Variants in CDK5RAP2 observed in about 807,000 individuals in gnomAD.
CDK5RAP2 encodes CDK5 regulatory subunit-associated protein 2.
CDK5RAP2 carries 147 observed loss-of-function variants against 232.9 expected under a neutral mutation model. The ratio of observed to expected loss-of-function variants is 0.63; its 90% CI spans 0.55 to 0.72. The LOEUF (loss-of-function observed/expected upper bound fraction) is 0.72. CDK5RAP2 is among the 30% of genes least tolerant of loss of function. The pLI is 0.00. For synonymous variants in CDK5RAP2, 833 were observed against 833.7 expected, an observed-to-expected ratio of 1.00 and a Z score of 0.01; for missense variants, 2,195 against 2,231.5, an observed-to-expected ratio of 0.98 and a Z score of 0.33.
chr9:120,400,823 C>T lies in CDK5RAP2; in HGVS notation c.5370G>A (p.Leu1790=), dbSNP rs144163551. The change falls in exon 35 of 38, where the codon CTG becomes CTA. Residue 1790 remains leucine, a synonymous_variant. Transcript: ENST00000349780. ...GCTTCAGCCGCCTGTAGGCCTCTTC[C>T]AGGGTCAGCTTGGCCGTGCTCACAC... ...VSSVSTAKLT[L]EEAYRRLKLL... is the part of the protein sequence containing the mutation. The T allele has an allele frequency of 7.4e-6, 12 of 1,614,186 alleles. No individual in the cohort carries two copies. Among genetic ancestry groups the T allele is most frequent in the Middle Eastern group, 3.3e-4 (2 of 6,060 alleles).
chr9:120,458,772 G>A, intron 19 of CDK5RAP2, 150 bp from the exon 20 acceptor site: 2 of 707,232 alleles, frequency 2.8e-6, no homozygotes, highest in East Asian at 2.7e-5. Flanking sequence ...AGGGGGAGGA[G>A]AAGGAGGAAG....
chr9:120,563,550 T>C (rs1316667658), intron 3 of CDK5RAP2, among the ~76,000 whole-genome samples: 1 of 152,196 alleles, frequency 6.6e-6, no homozygotes, highest in African/African-American at 2.4e-5. Context: ...GCTAGGTGCT[T>C]TCCATACCTT....
rs1332224201 is a variant in CDK5RAP2 at position 120,491,425 on chromosome 9, TTC to T, written c.1362_1363del (p.Lys455SerfsTer12). The T allele has an allele frequency of 2.5e-6, 4 of 1,612,360 alleles. No homozygotes were observed. Among genetic ancestry groups the T allele is most frequent in the Non-Finnish European group, 3.4e-6 (4 of 1,179,114 alleles). On this transcript the variant is annotated frameshift_variant, in exon 13 of 38. Coordinates refer to ENST00000349780, the MANE Select transcript of CDK5RAP2 (RefSeq NM_018249.6). LOFTEE classifies it high-confidence loss of function. ...ACTCTTGTAACGATTTTCCATTGCT[TTC>T]TCTCTTTCATTCACTTCATTGCGTA...
At chr9:120,412,821 G>C (rs896125882) in intron 28 of CDK5RAP2, among the ~76,000 whole-genome samples, 1 of 152,156 alleles carries the variant, frequency 6.6e-6, no homozygotes, top group Non-Finnish European at 1.5e-5. Context: ...CCACTCTACA[G>C]CACTACCTTT....
chr9:120,394,857 G>A (rs559349248), intron 35 of CDK5RAP2, among the ~76,000 whole-genome samples: 6 of 152,160 alleles, frequency 3.9e-5, no homozygotes, highest in Admixed American at 6.5e-5. Flanking sequence ...GTGGAAGTGC[G>A]GGATGGCATG....
chr9:120,394,587 G>A lies in CDK5RAP2; in HGVS notation c.5503C>T (p.Gln1835Ter). 6.8e-6 allele frequency: 11 copies of A among 1,614,080 alleles called. No individual in the cohort carries two copies. The highest frequency in any genetic ancestry group is 9.3e-6 in the Non-Finnish European group (11 of 1,180,008). ...VTKLHKKLFE[Q>*]EKKLQNTMKL... ...ATGGTGTTTTGCAACTTCTTTTCTT[G>A]TTCAAACAATTTTTTATGTAGTTTG... The change falls in exon 36 of 38, where the codon CAA becomes TAA. Residue 1835 changes from glutamine (Q) to a stop codon, truncating the protein, a stop_gained. Transcript: ENST00000349780. LOFTEE classifies it high-confidence loss of function.
intron 5 of CDK5RAP2, among the ~76,000 whole-genome samples, chr9:120,544,752 T>C (rs890520399): frequency 6.6e-6 from 1 of 152,202 alleles, no homozygotes; most frequent in African/African-American, 2.4e-5. Flanking sequence ...AGAACAAAAC[T>C]TAGCACACTT....
intron 27 of CDK5RAP2, among the ~76,000 whole-genome samples, chr9:120,416,412 G>C (rs2034222610): frequency 6.6e-6 from 1 of 152,146 alleles, no homozygotes; most frequent in African/African-American, 2.4e-5. Context: ...CTGCAAGGAA[G>C]ACTAAATATA....
At position 120,545,911 on chromosome 9, in the gene CDK5RAP2, T is replaced by G. The variant is rs1463182994; in HGVS notation, c.307-121A>C. On this transcript the variant is annotated intron_variant, in intron 4 of 37. Coordinates refer to ENST00000349780, the MANE Select transcript of CDK5RAP2 (RefSeq NM_018249.6). ...CAGGATGCTTGTAATAGGCAGATGT[T>G]AGATTCCAAAAACCCTCATTAGCCT... 5.1e-6 allele frequency: 4 copies of G among 786,604 alleles called. No homozygotes were observed. In the East Asian group the frequency reaches 1.0e-4, roughly 20 times the overall value. The allele number at this position is 786,604 out of a possible 1,614,324, so 48.7% of individuals were successfully genotyped here.
chr9:120,494,261 G>C (rs1056389366), intron 12 of CDK5RAP2, among the ~76,000 whole-genome samples: 3 of 152,138 alleles, frequency 2.0e-5, no homozygotes, highest in African/African-American at 4.8e-5. Flanking sequence ...ACAAATCCTA[G>C]AGGCAATAAC....
intron 2 of CDK5RAP2, among the ~76,000 whole-genome samples, chr9:120,569,016 A>C (rs1013327738): frequency 6.6e-6 from 1 of 152,208 alleles, no homozygotes; most frequent in Non-Finnish European, 1.5e-5. Flanking sequence ...TAACTGAACA[A>C]ACATGTATTA....
At chr9:120,532,772 G>C (rs929633571) in intron 7 of CDK5RAP2, among the ~76,000 whole-genome samples, 5 of 152,114 alleles carry the variant, frequency 3.3e-5, no homozygotes, top group African/African-American at 1.2e-4. Flanking sequence ...TGACATGTTG[G>C]GTTTTGGTGC....
At chr9:120,490,613 G>A (rs1031593880) in intron 13 of CDK5RAP2, among the ~76,000 whole-genome samples, 2 of 152,208 alleles carry the variant, frequency 1.3e-5, no homozygotes, top group Non-Finnish European at 2.9e-5. Flanking sequence ...TGTGGAGAAA[G>A]CTGAATCCTA....
At chr9:120,576,995 A>G (rs894003227) in intron 1 of CDK5RAP2, among the ~76,000 whole-genome samples, 3 of 152,230 alleles carry the variant, frequency 2.0e-5, no homozygotes, top group African/African-American at 7.2e-5. Context: ...CATAATGCTA[A>G]GTTAAATAAA....
chr9:120,502,873 C>T (rs1346464683), intron 12 of CDK5RAP2, among the ~76,000 whole-genome samples: 1 of 152,160 alleles, frequency 6.6e-6, no homozygotes, highest in Non-Finnish European at 1.5e-5. Context: ...TTATGGAAAC[C>T]ACCATTTACT....
At chr9:120,516,128 A>G (rs1199117226) in intron 12 of CDK5RAP2, among the ~76,000 whole-genome samples, 2 of 152,190 alleles carry the variant, frequency 1.3e-5, no homozygotes, top group Non-Finnish European at 2.9e-5. Context: ...AATGTCCAAC[A>G]ATGATAGACT....
intron 3 of CDK5RAP2, among the ~76,000 whole-genome samples, chr9:120,556,675 C>T (rs1229097696): frequency 1.3e-5 from 2 of 152,098 alleles, no homozygotes; most frequent in Non-Finnish European, 2.9e-5. Flanking sequence ...GCGATCCACT[C>T]GCCTCAGCCT....
intron 20 of CDK5RAP2, among the ~76,000 whole-genome samples, chr9:120,454,997 C>A (rs757957486): frequency 2.6e-5 from 4 of 152,174 alleles, no homozygotes; most frequent in Admixed American, 6.5e-5. Flanking sequence ...CAAAACTAAG[C>A]CAGCATGTAA....
intron 12 of CDK5RAP2, among the ~76,000 whole-genome samples, chr9:120,509,357 A>C (rs535626813): frequency 4.2e-4 from 64 of 152,342 alleles, no homozygotes; most frequent in African/African-American, 1.5e-3. Flanking sequence ...GCAGGAAAAC[A>C]GGAAAGAAAA....
Sources: gnomAD v4.1 joint callset for allele counts (sites outside exome capture counted in the v4.1 genomes callset) on GRCh38, gnomAD v4.1.1 for gene constraint, MANE v1.5 for transcripts, NCBI Gene and HGNC (gene_info 2026-07-23, HGNC 2026-07-21) for gene names.